Variants in ZFAND6 observed in about 807,000 individuals in gnomAD.
The protein encoded by ZFAND6 is zinc finger AN1-type containing 6.
Under a neutral mutation model 24.5 loss-of-function variants are expected in ZFAND6, and 12 were observed. That is an observed-to-expected ratio of 0.49 (90% CI 0.31 to 0.79). The LOEUF (loss-of-function observed/expected upper bound fraction) is 0.79, where lower values mean the gene tolerates loss of function less well. ZFAND6 is among the 30% of genes least tolerant of loss of function. ZFAND6 has a pLI of 0.04. For synonymous variants in ZFAND6, 92 were observed against 81.5 expected (o/e 1.13, Z -0.69); for missense variants, 207 against 245.9 (o/e 0.84, Z 1.06).
intron 1 of ZFAND6, among the ~76,000 whole-genome samples, chr15:80,077,449 T>C (rs2037347897): frequency 6.6e-6 from 1 of 152,188 alleles, no homozygotes; most frequent in Non-Finnish European, 1.5e-5. Context: ...TAACATATTT[T>C]AAAGCAAAAG....
chr15:80,072,542 A>T (rs1286610915), intron 1 of ZFAND6: 1 of 152,062 alleles, frequency 6.6e-6, no homozygotes, highest in Non-Finnish European at 1.5e-5. Context: ...AGCCACTAGA[A>T]TTGGAGAAGG....
At chr15:80,116,943 C>T (rs1057415961) in intron 2 of ZFAND6, among the ~76,000 whole-genome samples, 17 of 152,130 alleles carry the variant, frequency 1.1e-4, no homozygotes, top group Admixed American at 1.1e-3. Flanking sequence ...TTGAATGGAT[C>T]TTCTGTTCAT....
chr15:80,109,168 C>CT (rs2039484544), intron 2 of ZFAND6, among the ~76,000 whole-genome samples: 1 of 152,118 alleles, frequency 6.6e-6, no homozygotes, highest in South Asian at 2.1e-4. Context: ...TCCTTGGCTA[C>CT]TAGTGGTGGT....
chr15:80,124,498 A>G (rs1196052706), intron 5 of ZFAND6, among the ~76,000 whole-genome samples: 1 of 152,206 alleles, frequency 6.6e-6, no homozygotes, highest in African/African-American at 2.4e-5. Flanking sequence ...ATACAATAGT[A>G]TTTACAGAAG....
At chr15:80,107,879 C>T (rs12914285) in intron 2 of ZFAND6, among the ~76,000 whole-genome samples, 1 of 136,972 alleles carries the variant, frequency 7.3e-6, no homozygotes, top group Non-Finnish European at 1.5e-5. Flanking sequence ...GGGAGGGCAG[C>T]GGGGAGGGGG....
chr15:80,101,652 A>G (rs1288983635), intron 2 of ZFAND6, among the ~76,000 whole-genome samples: 4 of 152,086 alleles, frequency 2.6e-5, no homozygotes, highest in South Asian at 2.1e-4. Context: ...TGATGACACA[A>G]TTCTCTTTGT....
At chr15:80,113,657 T>G (rs1596292297) in intron 2 of ZFAND6, among the ~76,000 whole-genome samples, 1 of 152,330 alleles carries the variant, frequency 6.6e-6, no homozygotes, top group East Asian at 1.9e-4. Context: ...ATATAGCCGT[T>G]TTTTGCCTGA....
intron 1 of ZFAND6, among the ~76,000 whole-genome samples, chr15:80,083,645 A>C (rs2037816460): frequency 6.6e-6 from 1 of 152,208 alleles, no homozygotes; most frequent in Non-Finnish European, 1.5e-5. Context: ...ACAGTGGCTC[A>C]TGCCTGTAAT....
Position 80,122,720 on chromosome 15 carries a change from T to C in ZFAND6, c.284T>C (p.Leu95Pro), listed in dbSNP as rs2040200610. The C allele has an allele frequency of 1.2e-6, 2 of 1,613,578 alleles. No individual in the cohort carries two copies. Among genetic ancestry groups the C allele is most frequent in the South Asian group, 2.2e-5 (2 of 91,060 alleles). The change falls in exon 5 of 7, where the codon CTT becomes CCT. Residue 95 changes from leucine to proline, a missense_variant. Leu to Pro is a moderately conservative substitution (Grantham distance 98). Coordinates refer to ENST00000261749, the MANE Select transcript of ZFAND6 (RefSeq NM_019006.4). ...TCTAGCCCTGTATCAAATCAGTCAC[T>C]TTTATCAGAATCTGTAGCATCTTCT... ...MQPSPVSNQS[L>P]LSESVASSQL...
At chr15:80,074,700 G>A (rs117636840) in intron 1 of ZFAND6, among the ~76,000 whole-genome samples, 1,595 of 152,008 alleles carry the variant, frequency 0.01, 12 homozygotes, top group Non-Finnish European at 0.017. Context: ...CACATATAGT[G>A]GTGCTAGACA....
chr15:80,122,224 A>G (rs559652632), intron 4 of ZFAND6, among the ~76,000 whole-genome samples: 2 of 152,246 alleles, frequency 1.3e-5, no homozygotes, highest in South Asian at 4.1e-4. Flanking sequence ...ATGTGTATAT[A>G]TATATTTTTT....
chr15:80,099,778 G>A (rs1160391034), intron 2 of ZFAND6, among the ~76,000 whole-genome samples: 1 of 151,964 alleles, frequency 6.6e-6, no homozygotes, highest in Non-Finnish European at 1.5e-5. Context: ...CACCATGCCC[G>A]GCTAATTTTT....
intron 1 of ZFAND6, among the ~76,000 whole-genome samples, chr15:80,070,785 T>G (rs996006768): frequency 6.6e-6 from 1 of 152,386 alleles, no homozygotes; most frequent in Non-Finnish European, 1.5e-5. Flanking sequence ...ATTTTAAGAT[T>G]AAACTGTTTG....
chr15:80,087,890 A>G (rs1315727455), intron 1 of ZFAND6, among the ~76,000 whole-genome samples: 1 of 152,170 alleles, frequency 6.6e-6, no homozygotes. Context: ...ATTAGTATGC[A>G]CATACTATAT....
chr15:80,125,861 ATTACTCT>A (rs1396337880), intron 5 of ZFAND6, among the ~76,000 whole-genome samples: 1 of 152,186 alleles, frequency 6.6e-6, no homozygotes, highest in African/African-American at 2.4e-5. Flanking sequence ...CCTTACTTTC[ATTACTCT>A]TAAAAGAGAA....
intron 1 of ZFAND6, among the ~76,000 whole-genome samples, chr15:80,089,054 A>G (rs1326755304): frequency 6.6e-6 from 1 of 151,878 alleles, no homozygotes; most frequent in African/African-American, 2.4e-5. Flanking sequence ...CATTTTCTCT[A>G]AATACATTGT....
chr15:80,106,053 T>C (rs1389809118), intron 2 of ZFAND6, among the ~76,000 whole-genome samples: 11 of 152,220 alleles, frequency 7.2e-5, no homozygotes, highest in African/African-American at 2.7e-4. Flanking sequence ...GTACCTACAT[T>C]GATGAGAGCA....
chr15:80,089,135 ACTC>A (rs147909529), intron 1 of ZFAND6, among the ~76,000 whole-genome samples: 1,800 of 148,544 alleles, frequency 0.012, 17 homozygotes, highest in Non-Finnish European at 0.016. Flanking sequence ...ATAATTGACA[ACTC>A]CTTCTGTTCT....
At chr15:80,122,666 T>A in intron 4 of ZFAND6, 34 bp from the exon 5 acceptor site, 2 of 1,389,890 alleles carry the variant, frequency 1.4e-6, no homozygotes. Flanking sequence ...TGTGTAGAGA[T>A]CACCTTTTAA....
Sources: allele counts gnomAD v4.1 joint callset (sites outside exome capture counted in the v4.1 genomes callset), GRCh38; gene constraint gnomAD v4.1.1; transcripts MANE v1.5; gene names NCBI Gene and HGNC (gene_info 2026-07-23, HGNC 2026-07-21).